INPP4B: variants seen among roughly 807,000 people sequenced by gnomAD.
The protein encoded by INPP4B is inositol polyphosphate-4-phosphatase type II B, also known as inositol polyphosphate 4-phosphatase type II.
In INPP4B, 55 loss-of-function variants were observed where a neutral mutation model predicts 122.5. That is an observed-to-expected ratio of 0.45 (90% CI 0.36 to 0.56). INPP4B has a LOEUF of 0.56. Among genes scored for constraint, INPP4B ranks in the 20% least tolerant of loss-of-function variants. The probability of loss-of-function intolerance (pLI) is 0.00; values close to 1 mark genes in which losing one functional copy is unlikely to be tolerated. For synonymous variants in INPP4B, 403 were observed against 388.7 expected, an observed-to-expected ratio of 1.04 and a Z score of -0.43; for missense variants, 1,000 against 1,097.7, an observed-to-expected ratio of 0.91 and a Z score of 1.26.
chr4:142,452,631 G>T (rs1432806028), intron 3 of INPP4B, among the ~76,000 whole-genome samples: 2 of 152,180 alleles, frequency 1.3e-5, no homozygotes, highest in African/African-American at 4.8e-5. Context: ...CATGTATCCA[G>T]CTGACCAGTG....
chr4:142,551,672 G>T (rs1216778469), intron 2 of INPP4B, among the ~76,000 whole-genome samples: 1 of 152,072 alleles, frequency 6.6e-6, no homozygotes, highest in Non-Finnish European at 1.5e-5. Context: ...GTGTTATCAC[G>T]CAGTAGAACT....
intron 25 of INPP4B, among the ~76,000 whole-genome samples, chr4:142,050,084 A>ATTGT (rs1018611505): frequency 2.6e-5 from 4 of 152,024 alleles, no homozygotes; most frequent in African/African-American, 9.7e-5. Flanking sequence ...ATTAATTACT[A>ATTGT]TTGTTAGGCT....
chr4:142,302,092 C>G (rs989808988), intron 9 of INPP4B, among the ~76,000 whole-genome samples: 1 of 152,080 alleles, frequency 6.6e-6, no homozygotes, highest in Admixed American at 6.6e-5. Context: ...TGGCAGCAAA[C>G]CAGATCGAGA....
At chr4:142,129,408 A>G (rs1800173181) in intron 18 of INPP4B, among the ~76,000 whole-genome samples, 1 of 152,316 alleles carries the variant, frequency 6.6e-6, no homozygotes, top group African/African-American at 2.4e-5. Context: ...CTTGTCTTTC[A>G]GGCACAATTT....
upstream of INPP4B, chr4:142,846,437 C>T (rs569945552): frequency 2.0e-5 from 3 of 152,444 alleles, no homozygotes; most frequent in East Asian, 1.9e-4. This position sits in a 1 kb window ranked among gnomAD's most constrained non-coding sequence, Gnocchi z 5.1. Context: ...AGCAGCTCCC[C>T]CAGCCTCTGG....
At chr4:142,341,138 T>A (rs1002362603) in intron 7 of INPP4B, among the ~76,000 whole-genome samples, 5 of 152,220 alleles carry the variant, frequency 3.3e-5, no homozygotes, top group Admixed American at 2.6e-4. Flanking sequence ...ATTGACACTT[T>A]CATCTCTCCT....
At chr4:142,538,829 C>G (rs967694099) in intron 2 of INPP4B, among the ~76,000 whole-genome samples, 1 of 151,802 alleles carries the variant, frequency 6.6e-6, no homozygotes, top group African/African-American at 2.4e-5. Flanking sequence ...AATAAGACTT[C>G]CCTCAACTTA....
intron 11 of INPP4B, among the ~76,000 whole-genome samples, chr4:142,251,128 T>G (rs1378344565): frequency 6.6e-6 from 1 of 152,204 alleles, no homozygotes; most frequent in Non-Finnish European, 1.5e-5. Flanking sequence ...GTAATATGTT[T>G]GCTTGATTTT....
chr4:142,623,696 C>G (rs1421391946), intron 2 of INPP4B, among the ~76,000 whole-genome samples: 1 of 151,560 alleles, frequency 6.6e-6, no homozygotes, highest in Admixed American at 6.6e-5. Context: ...TTAGGTATAT[C>G]TCCTAATGCT....
At chr4:142,636,294 T>G (rs1388798364) in intron 2 of INPP4B, among the ~76,000 whole-genome samples, 2 of 152,050 alleles carry the variant, frequency 1.3e-5, no homozygotes, top group East Asian at 3.8e-4. Context: ...GAGAATGGAC[T>G]AATACAGAAG....
chr4:142,388,507 G>A (rs1011801480), intron 7 of INPP4B, among the ~76,000 whole-genome samples: 2 of 152,080 alleles, frequency 1.3e-5, no homozygotes, highest in African/African-American at 4.8e-5. Flanking sequence ...AAAAAACAGA[G>A]GAGGAGCCAC....
chr4:142,593,145 G>A (rs1012428470), intron 2 of INPP4B, among the ~76,000 whole-genome samples: 3 of 151,682 alleles, frequency 2.0e-5, no homozygotes, highest in African/African-American at 7.3e-5. Context: ...AATTATGAAA[G>A]GGAGGATTTT....
chr4:142,271,254 A>G lies in INPP4B; in HGVS notation c.504-480T>C, dbSNP rs576242366. Among the ~76,000 whole-genome samples, 4 of 152,308 alleles carry G rather than the reference A, an allele frequency of 2.6e-5. No homozygotes were observed. The South Asian group carries it at 8.3e-4, about 32-fold the overall frequency. On this transcript the variant is annotated intron_variant, in intron 9 of 25. Coordinates refer to ENST00000262992, the MANE Select transcript of INPP4B (RefSeq NM_001101669.3). ...TACTGCATGTTGTTTTTCATTTGAAATTAAAATTATCCATGAATGTGTGAG... is the reference window on the plus strand; with the variant it reads ...TACTGCATGTTGTTTTTCATTTGAAGTTAAAATTATCCATGAATGTGTGAG...
At chr4:142,562,372 G>A (rs937310678) in intron 2 of INPP4B, among the ~76,000 whole-genome samples, 9 of 152,078 alleles carry the variant, frequency 5.9e-5, no homozygotes, top group African/African-American at 2.2e-4. Flanking sequence ...TTCTCATTAC[G>A]AGAAGCTAAA....
chr4:142,201,014 C>T (rs553566143), intron 14 of INPP4B, among the ~76,000 whole-genome samples: 2 of 152,134 alleles, frequency 1.3e-5, no homozygotes, highest in East Asian at 3.9e-4. Context: ...TGATTCTAAC[C>T]ACTCCTCAAA....
chr4:142,235,609 T>C (rs1157352232), intron 12 of INPP4B, among the ~76,000 whole-genome samples: 1 of 152,080 alleles, frequency 6.6e-6, no homozygotes, highest in Non-Finnish European at 1.5e-5. Flanking sequence ...GTATTTTTAG[T>C]AGAGATGAAG....
At chr4:142,620,205 T>C (rs1580522083) in intron 2 of INPP4B, among the ~76,000 whole-genome samples, 1 of 152,062 alleles carries the variant, frequency 6.6e-6, no homozygotes, top group East Asian at 1.9e-4. Context: ...CATGCACACA[T>C]ATGTTCATTA....
At chr4:142,272,254 A>T (rs1746213637) in intron 9 of INPP4B, among the ~76,000 whole-genome samples, 1 of 152,114 alleles carries the variant, frequency 6.6e-6, no homozygotes, top group South Asian at 2.1e-4. Flanking sequence ...ATGCTAATTA[A>T]AATAACCAAT....
chr4:142,314,676 ATG>A (rs753837258), intron 8 of INPP4B, 34 bp downstream of exon 8: 2 of 1,581,092 alleles, frequency 1.3e-6, no homozygotes, highest in Non-Finnish European at 1.7e-6. Flanking sequence ...TTTAGAAGTG[ATG>A]TGTGTGCCTT....
Sources: allele counts gnomAD v4.1 joint callset (sites outside exome capture counted in the v4.1 genomes callset), GRCh38; gene constraint gnomAD v4.1.1; non-coding constraint Gnocchi (gnomAD v3.1); transcripts MANE v1.5; gene names NCBI Gene and HGNC (gene_info 2026-07-23, HGNC 2026-07-21).